The following SNHG17 variants were observed in gnomAD, a reference collection of about 807,000 sequenced individuals.
SNHG17 encodes the protein small nucleolar RNA host gene 17 (non-protein coding).
intron 2 of SNHG17, chr20:38,433,904 C>A: frequency 3.9e-6 from 2 of 519,210 alleles, no homozygotes; most frequent in Non-Finnish European, 7.7e-6. Flanking sequence ...CAGGAGCGGA[C>A]CCTCCAAACA....
chr20:38,430,692 G>A (rs2084328735), intron 3 of SNHG17: 1 of 152,258 alleles, frequency 6.6e-6, no homozygotes. Flanking sequence ...GTTCCACTGA[G>A]GCTTACATAA....
At chr20:38,431,145 T>G (rs1234419178) in intron 2 of SNHG17, 2 of 152,228 alleles carry the variant, frequency 1.3e-5, no homozygotes, top group Non-Finnish European at 2.9e-5. Context: ...ATGTGACTGA[T>G]GCACTTGGCA....
intron 3 of SNHG17, chr20:38,429,267 C>T (rs2122712996): frequency 6.4e-6 from 1 of 155,406 alleles, no homozygotes; most frequent in Non-Finnish European, 1.4e-5. Context: ...GCGGGGTTGC[C>T]CAGGCTGCCG....
chr20:38,425,256 C>T (rs545946038), intron 5 of SNHG17: 5 of 519,056 alleles, frequency 9.6e-6, no homozygotes, highest in African/African-American at 1.9e-5. Flanking sequence ...CACGGGGAAG[C>T]GCTTTCATTG....
At chr20:38,434,007 G>A (rs1401408352) in intron 2 of SNHG17, 1 of 518,794 alleles carries the variant, frequency 1.9e-6, no homozygotes. Flanking sequence ...GTGCAAAAAA[G>A]GGCAGGTGAG....
intron 2 of SNHG17, among the ~76,000 whole-genome samples, chr20:38,434,336 T>A (rs2084393442): frequency 6.6e-6 from 1 of 152,196 alleles, no homozygotes; most frequent in Non-Finnish European, 1.5e-5. Context: ...GGAACTTAGC[T>A]AGCATGTGAC....
intron 5 of SNHG17, among the ~76,000 whole-genome samples, chr20:38,423,702 A>C (rs1212662102): frequency 1.3e-5 from 2 of 152,056 alleles, no homozygotes; most frequent in African/African-American, 2.4e-5. Flanking sequence ...CACGCACAAC[A>C]TAAGGGATTT....
At chr20:38,429,734 C>A (rs777876803) in intron 3 of SNHG17, 1 of 514,966 alleles carries the variant, frequency 1.9e-6, no homozygotes. Flanking sequence ...GAAGTGCTCT[C>A]GGCAGTTCCT....
chr20:38,427,378 G>A (rs773381286), intron 3 of SNHG17: 2 of 518,946 alleles, frequency 3.9e-6, no homozygotes, highest in Admixed American at 1.9e-5. Flanking sequence ...CTCTTTCAGC[G>A]TTCCTCTCCC....
intron 1 of SNHG17, chr20:38,434,958 G>C: frequency 8.1e-7 from 1 of 1,228,362 alleles, no homozygotes; most frequent in Non-Finnish European, 1.0e-6. Flanking sequence ...CAGAGTAGCT[G>C]CGCGGACAGG....
intron 2 of SNHG17, chr20:38,433,777 T>C (rs1313637070): frequency 1.7e-5 from 9 of 517,550 alleles, no homozygotes; most frequent in South Asian, 1.1e-4. Context: ...GAACGCCTCA[T>C]GGAACCCTGC....
intron 2 of SNHG17, among the ~76,000 whole-genome samples, chr20:38,433,417 G>GA (rs144011229): frequency 9.6e-4 from 146 of 152,264 alleles, no homozygotes; most frequent in African/African-American, 3.5e-3. Flanking sequence ...AAGACTGAGG[G>GA]AAAATCACTT....
chr20:38,423,115 G>A (rs2084186515), intron 5 of SNHG17, among the ~76,000 whole-genome samples: 1 of 151,614 alleles, frequency 6.6e-6, no homozygotes, highest in Non-Finnish European at 1.5e-5. Context: ...GAAGACCCTG[G>A]GCTAGGCATG....
intron 5 of SNHG17, among the ~76,000 whole-genome samples, chr20:38,424,856 T>C (rs2084219117): frequency 2.0e-5 from 3 of 152,130 alleles, no homozygotes; most frequent in Admixed American, 2.0e-4. Flanking sequence ...CTGAGTCCCA[T>C]GCTAGGCACA....
At chr20:38,427,417 G>A (rs763714917) in intron 3 of SNHG17, 1 of 518,112 alleles carries the variant, frequency 1.9e-6, no homozygotes, top group Non-Finnish European at 3.9e-6. Flanking sequence ...GGCACAGGCA[G>A]CCTATGATCA....
At chr20:38,435,057 T>C (rs1315610378) in intron 1 of SNHG17, 4 of 1,231,692 alleles carry the variant, frequency 3.2e-6, no homozygotes, top group Non-Finnish European at 4.0e-6. Context: ...GACACGCGAA[T>C]CCTGGGGGGC....
chr20:38,427,578 G>T, intron 3 of SNHG17: 1 of 228,702 alleles, frequency 4.4e-6, no homozygotes, highest in East Asian at 1.2e-4. Flanking sequence ...AACCACCAAG[G>T]GGAATCAAAG....
chr20:38,428,257 C>G (rs1327724709), intron 3 of SNHG17: 1 of 152,288 alleles, frequency 6.6e-6, no homozygotes, highest in African/African-American at 2.4e-5. Flanking sequence ...TCCTCCACAG[C>G]CCCTGAAGGC....
intron 2 of SNHG17, chr20:38,433,730 A>G: frequency 2.1e-6 from 1 of 472,006 alleles, no homozygotes; most frequent in Non-Finnish European, 4.2e-6. Context: ...TTCACCACCA[A>G]TCCTGAGGCA....
Sources: gnomAD v4.1 joint callset for allele counts (sites outside exome capture counted in the v4.1 genomes callset) on GRCh38, gnomAD v4.1.1 for gene constraint, MANE v1.5 for transcripts, NCBI Gene and HGNC (gene_info 2026-07-23, HGNC 2026-07-21) for gene names.